The following SORCS3 variants were observed in gnomAD, a reference collection of about 807,000 sequenced individuals.
SORCS3 encodes the protein sortilin related VPS10 domain containing receptor 3, also known as VPS10 domain-containing receptor SorCS3.
A neutral mutation model predicts 146.3 loss-of-function variants in SORCS3; 57 were observed. That is an observed-to-expected ratio of 0.39 (90% CI 0.31 to 0.49). SORCS3 has a LOEUF of 0.49. SORCS3 is among the 20% of genes least tolerant of loss of function. SORCS3 has a pLI of 0.92. For missense variants in SORCS3, 1,341 were observed against 1,575.5 expected (o/e 0.85, Z 2.52); for synonymous variants, 653 against 618.5 (o/e 1.06, Z -0.83).
chr10:104,647,453 C>T (rs1170507626), intron 1 of SORCS3, among the ~76,000 whole-genome samples: 1 of 152,130 alleles, frequency 6.6e-6, no homozygotes, highest in Non-Finnish European at 1.5e-5. Flanking sequence ...CAGAGTGCAC[C>T]ACACATTTTG....
chr10:105,057,887 AT>A (rs2055456296), intron 5 of SORCS3, among the ~76,000 whole-genome samples: 2 of 152,264 alleles, frequency 1.3e-5, no homozygotes, highest in Admixed American at 6.5e-5. Flanking sequence ...CAAAATTCTC[AT>A]TTAGGAATCC....
At chr10:104,685,558 T>TA (rs1297042565) in intron 1 of SORCS3, among the ~76,000 whole-genome samples, 4 of 152,232 alleles carry the variant, frequency 2.6e-5, no homozygotes. Flanking sequence ...GAACAGTTTC[T>TA]AAACCCCTCA....
chr10:105,234,965 G>A (rs918106449), intron 20 of SORCS3, among the ~76,000 whole-genome samples: 2 of 152,038 alleles, frequency 1.3e-5, no homozygotes, highest in African/African-American at 4.8e-5. Flanking sequence ...AGGAATGGCT[G>A]TAAATAAGTC....
chr10:104,758,116 A>G (rs746181853), intron 1 of SORCS3, among the ~76,000 whole-genome samples: 21 of 152,216 alleles, frequency 1.4e-4, no homozygotes, highest in Non-Finnish European at 3.1e-4. Flanking sequence ...AGCAATGAAT[A>G]GGACTTGGAT....
chr10:104,974,969 G>A (rs570450047), intron 3 of SORCS3, among the ~76,000 whole-genome samples: 138 of 152,186 alleles, frequency 9.1e-4, no homozygotes, highest in African/African-American at 3.2e-3. Flanking sequence ...TAGTTTGGCT[G>A]GATATGAAAA....
chr10:105,159,096 C>T lies in SORCS3; in HGVS notation c.1732+102C>T. The T allele has an allele frequency of 3.9e-6, 3 of 767,212 alleles. No homozygotes were observed. In the South Asian group the frequency reaches 5.1e-5, roughly 13 times the overall value. 47.5% of individuals were successfully genotyped at this position (767,212 alleles called of 1,614,324 possible). On this transcript the variant is annotated intron_variant, in intron 11 of 26. Transcript: ENST00000369701. The stretch of plus-strand genomic sequence containing the variant: ...GACTCACTTGAGCATCAGATGAAAG[C>T]TGTGAGCACTCGCCCCAGAAAATAT...
At chr10:104,754,585 A>G (rs753404705) in intron 1 of SORCS3, among the ~76,000 whole-genome samples, 10 of 151,994 alleles carry the variant, frequency 6.6e-5, no homozygotes, top group Non-Finnish European at 1.3e-4. Flanking sequence ...TGAGAGAGAC[A>G]TACATTGAAA....
At chr10:105,146,259 G>T (rs1386255538) in intron 8 of SORCS3, among the ~76,000 whole-genome samples, 3 of 152,064 alleles carry the variant, frequency 2.0e-5, no homozygotes, top group Admixed American at 1.3e-4. Flanking sequence ...TCTTTGTACA[G>T]TGCCTACCTA....
rs571293533 is a variant in SORCS3, at chr10:104,762,765, C to T, written c.628-80027C>T. On this transcript the variant is annotated intron_variant, in intron 1 of 26. Transcript: ENST00000369701. ...CCTGGTGCCATGTAAGACATCCTTGCTTCTCCTGTACCTTCCATCATGATT... is the reference window on the plus strand; with the variant it reads ...CCTGGTGCCATGTAAGACATCCTTGTTTCTCCTGTACCTTCCATCATGATT... Among the ~76,000 whole-genome samples the T allele has an allele frequency of 2.6e-5, 4 of 152,330 alleles. No individual in the cohort carries two copies. The East Asian group carries it at 7.7e-4, about 29-fold the overall frequency.
intron 5 of SORCS3, among the ~76,000 whole-genome samples, chr10:105,056,333 C>T (rs1589611990): frequency 6.6e-6 from 1 of 152,148 alleles, no homozygotes; most frequent in Admixed American, 6.6e-5. Context: ...CTTCTGCACC[C>T]CTCTAGTTGT....
intron 2 of SORCS3, among the ~76,000 whole-genome samples, chr10:104,912,582 C>G (rs971377631): frequency 6.6e-6 from 1 of 152,206 alleles, no homozygotes; most frequent in African/African-American, 2.4e-5. Flanking sequence ...TACCACTAGA[C>G]ATCAGTAGTT....
chr10:104,759,685 C>T (rs1450919670), intron 1 of SORCS3, among the ~76,000 whole-genome samples: 1 of 152,160 alleles, frequency 6.6e-6, no homozygotes, highest in African/African-American at 2.4e-5. Flanking sequence ...ATATCTTTTT[C>T]TACACCCAGG....
intron 1 of SORCS3, among the ~76,000 whole-genome samples, chr10:104,728,161 T>C (rs2016664570): frequency 6.6e-6 from 1 of 152,172 alleles, no homozygotes; most frequent in African/African-American, 2.4e-5. Context: ...GTTGAACATT[T>C]AAGTTTGTTT....
At chr10:105,023,075 C>T (rs1589598336) in intron 4 of SORCS3, among the ~76,000 whole-genome samples, 1 of 152,162 alleles carries the variant, frequency 6.6e-6, no homozygotes, top group African/African-American at 2.4e-5. Flanking sequence ...TCTTCTCAGG[C>T]TCACCTTCTG....
intron 9 of SORCS3, among the ~76,000 whole-genome samples, chr10:105,148,106 T>C (rs946824471): frequency 6.6e-6 from 1 of 152,150 alleles, no homozygotes; most frequent in Non-Finnish European, 1.5e-5. Context: ...GTATTTGGCC[T>C]AGGTGATTTT....
intron 2 of SORCS3, among the ~76,000 whole-genome samples, chr10:104,907,604 C>CA (rs1345919587): frequency 6.6e-6 from 1 of 152,170 alleles, no homozygotes; most frequent in Non-Finnish European, 1.5e-5. Flanking sequence ...AGCAAACCTC[C>CA]AATTTTCCGC....
chr10:104,839,225 C>T (rs753153612), intron 1 of SORCS3, among the ~76,000 whole-genome samples: 111 of 152,168 alleles, frequency 7.3e-4, no homozygotes, highest in Non-Finnish European at 1.4e-3. Context: ...ACTCATGTAA[C>T]GTTCAGAAAC....
intron 9 of SORCS3, among the ~76,000 whole-genome samples, chr10:105,150,245 G>C (rs2056159127): frequency 6.6e-6 from 1 of 152,094 alleles, no homozygotes; most frequent in Admixed American, 6.6e-5. Context: ...CAGCTTTATT[G>C]CTTTTAAAAA....
At chr10:104,818,360 TCTTCCTTCCTTCCTTCCTTC>T (rs34389949) in intron 1 of SORCS3, among the ~76,000 whole-genome samples, 16 of 139,830 alleles carry the variant, frequency 1.1e-4, no homozygotes, top group Non-Finnish European at 2.0e-4. Context: ...TCTTCTCCTT[TCTTCCTTCCTTCCTTCCTTC>T]CTTCCTTCCT....
Sources: gnomAD v4.1 joint callset for allele counts (sites outside exome capture counted in the v4.1 genomes callset) on GRCh38, gnomAD v4.1.1 for gene constraint, MANE v1.5 for transcripts, NCBI Gene and HGNC (gene_info 2026-07-23, HGNC 2026-07-21) for gene names.